Variants in KANSL1 observed in about 807,000 individuals in gnomAD.
KANSL1 encodes MLL1/MLL complex subunit KANSL1.
A neutral mutation model predicts 103.6 loss-of-function variants in KANSL1; 22 were observed. The ratio of observed to expected loss-of-function variants is 0.21; its 90% confidence interval spans 0.15 to 0.30. The LOEUF (loss-of-function observed/expected upper bound fraction) is 0.30. Among genes scored for constraint, KANSL1 ranks in the 10% least tolerant of loss-of-function variants. The pLI is 1.00. For synonymous variants in KANSL1, 600 were observed against 527.6 expected (o/e 1.14, Z -1.88); for missense variants, 1,337 against 1,399.8 (o/e 0.96, Z 0.72).
intron 2 of KANSL1, among the ~76,000 whole-genome samples, chr17:46,119,100 A>G (rs1330645823): frequency 3.9e-5 from 6 of 152,206 alleles, no homozygotes; most frequent in Admixed American, 6.5e-5. Flanking sequence ...GCTTTTGCTG[A>G]ATGCTTCCTT....
intron 2 of KANSL1, among the ~76,000 whole-genome samples, chr17:46,168,765 AAG>A (rs2046134855): frequency 6.6e-6 from 1 of 152,260 alleles, no homozygotes; most frequent in Non-Finnish European, 1.5e-5. Flanking sequence ...ATTTAATTGC[AAG>A]AGGATTCAAC....
chr17:46,079,097 T>C (rs1349517107), intron 4 of KANSL1, among the ~76,000 whole-genome samples: 1 of 152,192 alleles, frequency 6.6e-6, no homozygotes, highest in South Asian at 2.1e-4. Context: ...AACCCACTAC[T>C]CTGTGGTATA....
intron 3 of KANSL1, among the ~76,000 whole-genome samples, chr17:46,091,955 T>C (rs1441235674): frequency 7.9e-5 from 12 of 152,172 alleles, no homozygotes; most frequent in Non-Finnish European, 1.8e-4. Context: ...TAGCTGGGAT[T>C]ACAGGCACCC....
rs1332534008 is a variant in KANSL1 at position 46,089,937 on chromosome 17, A to AT, written c.1431+4622dup. Among the ~76,000 whole-genome samples the AT allele has an allele frequency of 5.3e-5, 8 of 152,364 alleles. No homozygotes were observed. The South Asian group carries it at 1.7e-3, about 32-fold the overall frequency. On this transcript the variant is annotated intron_variant, in intron 3 of 14. Coordinates refer to ENST00000432791, the MANE Select transcript of KANSL1 (RefSeq NM_015443.4). The stretch of plus-strand genomic sequence containing the variant: ...GAATATATCATTGGGGGAAAATTCC[A>AT]TGGCTTGTTAGAGCAAGTTGAATAT...
intron 2 of KANSL1, among the ~76,000 whole-genome samples, chr17:46,118,519 T>C (rs1049848434): frequency 8.5e-5 from 13 of 152,196 alleles, no homozygotes. Context: ...CGCTGATTGG[T>C]GGGCCCCACC....
upstream of KANSL1, among the ~76,000 whole-genome samples, chr17:46,197,679 A>G (rs1293115322): frequency 1.3e-5 from 2 of 152,230 alleles, no homozygotes; most frequent in Admixed American, 6.5e-5. Flanking sequence ...TTGGCACTAC[A>G]TTACCCTTGG....
At chr17:46,050,366 T>A in intron 7 of KANSL1, 167 bp downstream of exon 7, 1 of 620,216 alleles carries the variant, frequency 1.6e-6, no homozygotes, top group Non-Finnish European at 2.8e-6. Context: ...CCTTCTGGTT[T>A]GGTGGATCTG....
intron 1 of KANSL1, chr17:46,222,936 T>C (rs2048577489): frequency 6.6e-6 from 1 of 151,492 alleles, no homozygotes; most frequent in South Asian, 2.1e-4. Flanking sequence ...CTCTGCCCTT[T>C]GCTTAGTCCT....
intron 3 of KANSL1, among the ~76,000 whole-genome samples, chr17:46,089,461 T>A (rs1043111679): frequency 6.8e-6 from 1 of 145,998 alleles, no homozygotes. Flanking sequence ...ACAAAGTAAA[T>A]CCTTAAAAAG....
upstream of KANSL1, among the ~76,000 whole-genome samples, chr17:46,197,338 T>G (rs1266277104): frequency 3.9e-5 from 6 of 152,288 alleles, no homozygotes; most frequent in African/African-American, 1.4e-4. Flanking sequence ...TATCGTCTAC[T>G]CACTTCACTT....
chr17:46,064,996 G>T (rs536554251), intron 6 of KANSL1, among the ~76,000 whole-genome samples: 2 of 152,110 alleles, frequency 1.3e-5, no homozygotes, highest in Middle Eastern at 6.8e-3. Context: ...TTAAAAGACA[G>T]AGTCTCAATC....
At chr17:46,155,155 ATTTTT>A (rs33974360) in intron 2 of KANSL1, among the ~76,000 whole-genome samples, 458 of 103,812 alleles carry the variant, frequency 4.4e-3, no homozygotes, top group Non-Finnish European at 5.4e-3. Context: ...TCAGCCAGGG[ATTTTT>A]TTTTTTTTTT....
In KANSL1 at chr17:46,192,993, C is replaced by T. The variant is rs987674986; in HGVS notation, c.-260G>A. On this transcript the variant is annotated 5_prime_UTR_variant, in exon 1 of 15. Coordinates refer to ENST00000432791, the MANE Select transcript of KANSL1 (RefSeq NM_015443.4). Reference sequence around the variant, plus strand: ...CCCCCGACGCCCGGAGCCGCCCTGACTTTCCGGGCGGGGGGGCGAGGCAGA... The same window carrying T: ...CCCCCGACGCCCGGAGCCGCCCTGATTTTCCGGGCGGGGGGGCGAGGCAGA... The T allele has an allele frequency of 2.6e-5, 4 of 151,956 alleles. No homozygotes were observed. Among genetic ancestry groups the T allele is most frequent in the Non-Finnish European group, 5.9e-5 (4 of 68,120 alleles). 9.4% of individuals were successfully genotyped at this position (151,956 alleles called of 1,614,324 possible). A position where few individuals can be genotyped will look rare whatever the true frequency, so the allele number is the denominator to read the frequency against.
intron 2 of KANSL1, among the ~76,000 whole-genome samples, chr17:46,119,264 A>G (rs2043175968): frequency 6.6e-6 from 1 of 152,104 alleles, no homozygotes; most frequent in South Asian, 2.1e-4. Flanking sequence ...AAGCAAGCAC[A>G]GGTAAAATCT....
intron 2 of KANSL1, among the ~76,000 whole-genome samples, chr17:46,131,684 G>C (rs2043869519): frequency 6.6e-6 from 1 of 152,206 alleles, no homozygotes; most frequent in African/African-American, 2.4e-5. Flanking sequence ...TGAGGAGATA[G>C]GGCTGATAGG....
intron 2 of KANSL1, among the ~76,000 whole-genome samples, chr17:46,133,958 G>A (rs759021817): frequency 6.6e-6 from 1 of 152,200 alleles, no homozygotes; most frequent in Non-Finnish European, 1.5e-5. Context: ...ATTTTAGAGA[G>A]TATTGTAGAA....
intron 2 of KANSL1, among the ~76,000 whole-genome samples, chr17:46,163,730 C>T (rs1181151630): frequency 6.6e-6 from 1 of 152,196 alleles, no homozygotes; most frequent in Non-Finnish European, 1.5e-5. Context: ...CCCGTCATTG[C>T]CCCCACACAT....
At chr17:46,105,423 C>G (rs1219295244) in intron 2 of KANSL1, among the ~76,000 whole-genome samples, 1 of 151,968 alleles carries the variant, frequency 6.6e-6, no homozygotes, top group Non-Finnish European at 1.5e-5. Flanking sequence ...TCAAGACCAG[C>G]CTGACCAACA....
At chr17:46,207,921 G>C (rs1411742698) in intron 1 of KANSL1, among the ~76,000 whole-genome samples, 10 of 152,158 alleles carry the variant, frequency 6.6e-5, no homozygotes, top group Non-Finnish European at 1.5e-4. Context: ...GACCAGCCTG[G>C]CCAACATGGT....
Sources: gnomAD v4.1 joint callset for allele counts (sites outside exome capture counted in the v4.1 genomes callset) on GRCh38, gnomAD v4.1.1 for gene constraint, MANE v1.5 for transcripts, NCBI Gene and HGNC (gene_info 2026-07-23, HGNC 2026-07-21) for gene names.